The following WRN variants were observed in gnomAD, a reference collection of about 807,000 sequenced individuals.
WRN encodes WRN RecQ like helicase, also known as bifunctional 3'-5' exonuclease/ATP-dependent helicase WRN.
A neutral mutation model predicts 180.7 loss-of-function variants in WRN; 149 were observed. The observed-to-expected ratio is 0.82, with a 90% confidence interval of 0.72 to 0.94. The LOEUF is 0.94. WRN is among the 40% of genes least tolerant of loss of function. The pLI is 0.00. For missense variants in WRN, 1,661 were observed against 1,700.1 expected, an observed-to-expected ratio of 0.98 and a Z score of 0.40; for synonymous variants, 548 against 568.9, an observed-to-expected ratio of 0.96 and a Z score of 0.52.
intron 4 of WRN, 134 bp downstream of exon 4, chr8:31,064,568 C>T: frequency 8.0e-7 from 1 of 1,254,088 alleles, no homozygotes; most frequent in Non-Finnish European, 1.1e-6. Flanking sequence ...TTATGTTCTA[C>T]CTGATTCACT....
At chr8:31,071,333 TG>T (rs1478471913) in intron 7 of WRN, among the ~76,000 whole-genome samples, 1 of 151,922 alleles carries the variant, frequency 6.6e-6, no homozygotes, top group African/African-American at 2.4e-5. Flanking sequence ...AATAAGAACT[TG>T]GGCTCTAGAA....
chr8:31,070,803 G>A lies in WRN; in HGVS notation c.724+2476G>A, dbSNP rs550532844. The stretch of plus-strand genomic sequence containing the variant: ...CTCACGCCTGTAATCCTAGCACTTT[G>A]GGAGGCCGAGGTGGGTGGATCACCT... On this transcript the variant is annotated intron_variant, in intron 7 of 34. Transcript: ENST00000298139. Among the ~76,000 whole-genome samples the A allele has an allele frequency of 8.4e-4, 128 of 152,264 alleles. 2 individuals are homozygous for A. The highest frequency in any genetic ancestry group is 1.2e-4 in the Non-Finnish European group (8 of 68,012).
chr8:31,134,748 A>G (rs1358777373), intron 24 of WRN, among the ~76,000 whole-genome samples: 1 of 152,234 alleles, frequency 6.6e-6, no homozygotes, highest in East Asian at 1.9e-4. Context: ...TGATTTGACT[A>G]TAGACATTTG....
At chr8:31,079,124 CATT>C (rs1813205493) in intron 8 of WRN, among the ~76,000 whole-genome samples, 1 of 152,112 alleles carries the variant, frequency 6.6e-6, no homozygotes, top group Non-Finnish European at 1.5e-5. Flanking sequence ...AATTAGATAA[CATT>C]AGTGTGCTTT....
chr8:31,153,240 G>A (rs1314818978), intron 31 of WRN, among the ~76,000 whole-genome samples: 1 of 152,074 alleles, frequency 6.6e-6, no homozygotes, highest in African/African-American at 2.4e-5. Context: ...TCAATAGATG[G>A]GTAGTGCAGC....
Position 31,044,342 on chromosome 8 carries a change from C to CTTTTTTTT in WRN, c.-77+10386_-77+10393dup, listed in dbSNP as rs34518426. On this transcript the variant is annotated intron_variant, in intron 1 of 34. Coordinates refer to ENST00000298139, the MANE Select transcript of WRN (RefSeq NM_000553.6). ...AGGCGTGAGCCGCTTGCCCGACCTT[C>CTTTTTTTT]TTTTTTTTTTTTTTTTTTTTTTTTG... 1.1e-3 allele frequency among the ~76,000 whole-genome samples: 77 copies of CTTTTTTTT among 68,334 alleles called. 5 individuals are homozygous for CTTTTTTTT. The highest frequency in any genetic ancestry group is 3.7e-3 in the African/African-American group (68 of 18,620). The allele number at this position is 68,334 out of a possible 152,430, so 44.8% of individuals were successfully genotyped here.
At chr8:31,112,722 A>T (rs1353581400) in intron 19 of WRN, among the ~76,000 whole-genome samples, 2 of 151,818 alleles carry the variant, frequency 1.3e-5, no homozygotes. Context: ...AAGTAGCTGA[A>T]ATTACAGGTG....
chr8:31,099,792 T>C (rs1212559358), intron 17 of WRN, among the ~76,000 whole-genome samples: 1 of 152,202 alleles, frequency 6.6e-6, no homozygotes, highest in Non-Finnish European at 1.5e-5. Context: ...TTTGTGTGTG[T>C]GTGCCAGGCC....
Position 31,124,577 on chromosome 8 carries a change from A to G in WRN, c.2686A>G (p.Met896Val). The change falls in exon 22 of 35, where the codon ATG (methionine) becomes GTG (valine). Residue 896 changes from methionine (M) to valine (V), a missense_variant. Coordinates refer to ENST00000298139, the MANE Select transcript of WRN (RefSeq NM_000553.6). ...EKFRLYKLKMMAKMEKYLHSS... is the reference protein window; with the variant it reads ...EKFRLYKLKMVAKMEKYLHSS... ...GTTTCGATTATACAAATTAAAGATG[A>G]TGGCAAAGATGGAAAAATATCTTCA... The G allele has an allele frequency of 1.2e-6, 2 of 1,612,970 alleles. No homozygotes were observed. Among genetic ancestry groups the G allele is most frequent in the Non-Finnish European group, 8.5e-7 (1 of 1,179,222 alleles).
intron 1 of WRN, among the ~76,000 whole-genome samples, chr8:31,044,461 A>G (rs911851581): frequency 6.8e-6 from 1 of 147,398 alleles, no homozygotes; most frequent in Non-Finnish European, 1.5e-5. Context: ...GGTTCAAGCG[A>G]TTCTCCTGCC....
intron 24 of WRN, among the ~76,000 whole-genome samples, chr8:31,139,521 G>C (rs561725356): frequency 6.6e-6 from 1 of 152,150 alleles, no homozygotes; most frequent in Non-Finnish European, 1.5e-5. Flanking sequence ...GAAGCCATCT[G>C]TCAACTTGGG....
At chr8:31,116,988 A>G (rs1801547287) in intron 20 of WRN, among the ~76,000 whole-genome samples, 1 of 152,116 alleles carries the variant, frequency 6.6e-6, no homozygotes, top group Admixed American at 6.5e-5. Context: ...GAATGGCACA[A>G]AGTATGGACA....
chr8:31,061,771 G>C (rs867125298), intron 3 of WRN, among the ~76,000 whole-genome samples: 1 of 152,064 alleles, frequency 6.6e-6, no homozygotes, highest in Non-Finnish European at 1.5e-5. Flanking sequence ...GGTGATCAAC[G>C]ATCTCTTCTC....
At chr8:31,116,648 C>G in intron 20 of WRN, 120 bp downstream of exon 20, 1 of 1,383,220 alleles carries the variant, frequency 7.2e-7, no homozygotes, top group Non-Finnish European at 1.0e-6. Flanking sequence ...AGCAGTCCCT[C>G]TGATAAATGT....
chr8:31,077,841 A>G (rs1813155662), intron 8 of WRN, among the ~76,000 whole-genome samples: 1 of 152,218 alleles, frequency 6.6e-6, no homozygotes, highest in South Asian at 2.1e-4. Flanking sequence ...TGTCCTTGGT[A>G]TCTCTGAAGA....
At chr8:31,100,312 G>T (rs570525057) in intron 17 of WRN, among the ~76,000 whole-genome samples, 171 of 152,274 alleles carry the variant, frequency 1.1e-3, no homozygotes, top group Admixed American at 1.8e-3. Context: ...TGCATCATGT[G>T]ATTTAGCTCC....
chr8:31,166,470 T>C (rs1371779903), intron 33 of WRN, among the ~76,000 whole-genome samples: 1 of 152,188 alleles, frequency 6.6e-6, no homozygotes, highest in Non-Finnish European at 1.5e-5. Context: ...AGAAATATGT[T>C]CCCAGAAATC....
chr8:31,172,878 T>C (rs1804153918), intron 34 of WRN, 117 bp from the exon 35 acceptor site: 3 of 803,556 alleles, frequency 3.7e-6, no homozygotes, highest in Middle Eastern at 4.5e-4. Context: ...CACTATTTTG[T>C]TTGGATGGGG....
chr8:31,122,867 T>TC (rs1801776929), intron 21 of WRN, among the ~76,000 whole-genome samples: 4 of 130,918 alleles, frequency 3.1e-5, no homozygotes, highest in African/African-American at 1.0e-4. Flanking sequence ...CTTGTTTTTT[T>TC]TTTTTTTTTT....
Sources: allele counts gnomAD v4.1 joint callset (sites outside exome capture counted in the v4.1 genomes callset), GRCh38; gene constraint gnomAD v4.1.1; transcripts MANE v1.5; gene names NCBI Gene and HGNC (gene_info 2026-07-23, HGNC 2026-07-21).